The following ADARB1 variants were observed in gnomAD, a reference collection of about 807,000 sequenced individuals.
ADARB1 encodes double-stranded RNA-specific editase 1.
ADARB1 carries 10 observed loss-of-function variants against 52.4 expected under a neutral mutation model. The ratio of observed to expected loss-of-function variants is 0.19; its 90% CI spans 0.12 to 0.32. The LOEUF (loss-of-function observed/expected upper bound fraction) is 0.32. Among genes scored for constraint, ADARB1 ranks in the 10% least tolerant of loss-of-function variants. The probability of loss-of-function intolerance (pLI) is 1.00; values close to 1 mark genes in which losing one functional copy is unlikely to be tolerated. For synonymous variants in ADARB1, 349 were observed against 371.1 expected (o/e 0.94, Z 0.68); for missense variants, 643 against 922.3 (o/e 0.70, Z 3.92).
rs148771997 is a variant in ADARB1, at chr21:45,148,167, C to T, written c.-48+19594C>T. 4.3e-3 allele frequency among the ~76,000 whole-genome samples: 659 copies of T among 152,334 alleles called. 2 individuals carry two copies. The highest frequency in any genetic ancestry group is 6.5e-3 in the Non-Finnish European group (445 of 68,034). Reference sequence around the variant, plus strand: ...GGCAGCCTTTGCAGACAGCTTCTGTCCCACTCACCTCCTCCTTGGTTTTCA... The same window carrying T: ...GGCAGCCTTTGCAGACAGCTTCTGTTCCACTCACCTCCTCCTTGGTTTTCA... On this transcript the variant is annotated intron_variant, in intron 2 of 10. Coordinates refer to ENST00000348831, the MANE Select transcript of ADARB1 (RefSeq NM_001112.4).
chr21:45,223,043 T>C lies in ADARB1; in HGVS notation c.*846T>C. The C allele has an allele frequency of 1.0e-5, 10 of 985,474 alleles. No individual in the cohort carries two copies. Among genetic ancestry groups the C allele is most frequent in the Non-Finnish European group, 1.2e-5 (10 of 829,932 alleles). The allele number at this position is 985,474 out of a possible 1,614,324, so 61.0% of individuals were successfully genotyped here. On this transcript the variant is annotated 3_prime_UTR_variant, in exon 11 of 11. Transcript: ENST00000348831. ...CCAGGCTGGCCATTCATTCAGGTTT[T>C]TTAAAGGATATTTAACTTTTATGGA...
Position 45,182,702 on chromosome 21 carries a change from C to G in ADARB1, c.1196C>G (p.Ser399Cys). The change falls in exon 6 of 11, where the codon TCT becomes TGT. Residue 399 changes from serine to cysteine, a missense_variant. Physicochemically the swap from Ser to Cys is moderately radical, Grantham distance 112 (BLOSUM62 -1). Around this residue, in one of 2 missense-constraint regions of ADARB1, gnomAD observed 263 missense variants for 475.8 expected, o/e 0.55. Coordinates refer to ENST00000348831, the MANE Select transcript of ADARB1 (RefSeq NM_001112.4). ...AATGACTGCCATGCAGAAATAATAT[C>G]TCGGAGATCCTTGCTCAGATTTCTT... ...ALNDCHAEII[S>C]RRSLLRFLYT... 1 of 1,610,864 alleles carries G rather than the reference C, an allele frequency of 6.2e-7. No individual in the cohort carries two copies. The highest frequency in any genetic ancestry group is 8.5e-7 in the Non-Finnish European group (1 of 1,178,936).
intron 1 of ADARB1, among the ~76,000 whole-genome samples, chr21:45,090,406 A>G (rs1226607770): frequency 6.6e-6 from 1 of 152,108 alleles, no homozygotes; most frequent in African/African-American, 2.4e-5. Context: ...TAGTGGTATA[A>G]GTGCTTAACA....
intron 8 of ADARB1, among the ~76,000 whole-genome samples, chr21:45,194,798 T>A (rs1346302689): frequency 6.6e-6 from 1 of 152,242 alleles, no homozygotes; most frequent in African/African-American, 2.4e-5. Flanking sequence ...ATAGTTTGGA[T>A]GTGCCACAGT....
intron 2 of ADARB1, among the ~76,000 whole-genome samples, chr21:45,143,612 G>A (rs2089850254): frequency 6.6e-6 from 1 of 152,216 alleles, no homozygotes; most frequent in South Asian, 2.1e-4. Context: ...TGGCCCAGGA[G>A]GTCCCATGTG....
At chr21:45,088,442 T>A (rs1429704052) in intron 1 of ADARB1, among the ~76,000 whole-genome samples, 1 of 152,160 alleles carries the variant, frequency 6.6e-6, no homozygotes, top group Non-Finnish European at 1.5e-5. Context: ...AGGTGTATAA[T>A]CTATAAAACA....
In ADARB1 at chr21:45,175,203, T is replaced by C. The variant is rs546269394; in HGVS notation, c.29-527T>C. On this transcript the variant is annotated intron_variant, in intron 3 of 10. Transcript: ENST00000348831. The stretch of plus-strand genomic sequence containing the variant: ...TATTTTAAACCTGAAAAACTAATTA[T>C]CTTGTGAATGCATGTTTTTAAATAG... Among the ~76,000 whole-genome samples, 174 of 152,334 alleles carry C rather than the reference T, an allele frequency of 1.1e-3. 1 individual carries two copies. The highest frequency in any genetic ancestry group is 4.1e-3 in the African/African-American group (172 of 41,566).
intron 2 of ADARB1, among the ~76,000 whole-genome samples, chr21:45,166,873 A>G (rs1277668452): frequency 2.1e-3 from 86 of 40,960 alleles, no homozygotes; most frequent in Non-Finnish European, 3.5e-4. Flanking sequence ...TTGCTATCAA[A>G]TAAGTCTTTT....
intron 1 of ADARB1, among the ~76,000 whole-genome samples, chr21:45,090,903 TTGAAAAATTGAGCATC>T (rs138605928): frequency 0.028 from 4,193 of 152,390 alleles, 53 homozygotes; most frequent in South Asian, 0.053. Context: ...ATGATTTTTA[TTGAAAAATTGAGCATC>T]TGATTATTAT....
At position 45,180,383 on chromosome 21, in the gene ADARB1, C is replaced by G; in HGVS notation, c.1017C>G (p.Thr339=). 6.2e-7 allele frequency: 1 copy of G among 1,614,108 alleles called. No individual in the cohort carries two copies. Among genetic ancestry groups the G allele is most frequent in the Non-Finnish European group, 8.5e-7 (1 of 1,180,016 alleles). Reference sequence around the variant, plus strand: ...TCCTGGGTAAGTTTGGTGACCTGACCGACAACTTCTCCTCCCCTCACGCTC... The same window carrying G: ...TCCTGGGTAAGTTTGGTGACCTGACGGACAACTTCTCCTCCCCTCACGCTC... ...RLVLGKFGDL[T]DNFSSPHARR... is the part of the protein sequence containing the mutation. Residue 339 remains threonine, a synonymous_variant, in exon 5 of 11, where the codon ACC becomes ACG. Coordinates refer to ENST00000348831, the MANE Select transcript of ADARB1 (RefSeq NM_001112.4).
intron 9 of ADARB1, among the ~76,000 whole-genome samples, chr21:45,217,982 C>T (rs1027503450): frequency 1.3e-5 from 2 of 152,078 alleles, no homozygotes; most frequent in African/African-American, 2.4e-5. Flanking sequence ...TTAAGATTTT[C>T]TCTTAATACT....
intron 7 of ADARB1, 52 bp downstream of exon 7, chr21:45,183,562 A>T: frequency 6.3e-7 from 1 of 1,589,080 alleles, no homozygotes; most frequent in Non-Finnish European, 8.6e-7. Flanking sequence ...ATGTTAACAG[A>T]TAAAAACTAA....
In ADARB1 at chr21:45,165,549, A is replaced by C. The variant is rs2091218863; in HGVS notation, c.-47-6061A>C. ...TTTCACTGAAAATATTATCAATTGA[A>C]TATTTTGGAACACTTCAGTGATATT... On this transcript the variant is annotated intron_variant, in intron 2 of 10. Coordinates refer to ENST00000348831, the MANE Select transcript of ADARB1 (RefSeq NM_001112.4). Among the ~76,000 whole-genome samples the C allele has an allele frequency of 2.0e-5, 3 of 152,196 alleles. No homozygotes were observed. The South Asian group carries it at 6.2e-4, about 32-fold the overall frequency.
rs1000371933 is a variant in ADARB1 at position 45,128,031 on chromosome 21, A to G, written c.-219-371A>G. ...TCTCTGTATCTGGACTCACATTCAC[A>G]TGTGTGCATGTGTAGGGGTGTGTGC... On this transcript the variant is annotated intron_variant, in intron 1 of 10. Coordinates refer to ENST00000348831, the MANE Select transcript of ADARB1 (RefSeq NM_001112.4). The surrounding 1 kb of genome is among the most constrained non-coding windows in gnomAD (Gnocchi z 4.6). 6.6e-5 allele frequency among the ~76,000 whole-genome samples: 10 copies of G among 152,208 alleles called. No homozygotes were observed. Among genetic ancestry groups the G allele is most frequent in the Non-Finnish European group, 1.3e-4 (9 of 67,996 alleles).
rs182003690 is a variant in ADARB1, at chr21:45,223,929, C to G, written c.*1732C>G. 8 of 985,496 alleles carry G rather than the reference C, an allele frequency of 8.1e-6. No homozygotes were observed. Among genetic ancestry groups the G allele is most frequent in the Non-Finnish European group, 9.6e-6 (8 of 830,150 alleles). 61.0% of individuals were successfully genotyped at this position (985,496 alleles called of 1,614,324 possible). ...ATCTGCCCCACAGCAGCCTCCTCCT[C>G]CACCGAAGAGGGTAGTTGTCTCCCT... On this transcript the variant is annotated 3_prime_UTR_variant, in exon 11 of 11. Transcript: ENST00000348831.
intron 1 of ADARB1, among the ~76,000 whole-genome samples, chr21:45,075,644 A>C (rs955101822): frequency 3.1e-4 from 47 of 152,316 alleles, no homozygotes; most frequent in African/African-American, 1.1e-3. Flanking sequence ...GATGGGTGCG[A>C]GGGAAGGTGT....
intron 9 of ADARB1, among the ~76,000 whole-genome samples, chr21:45,213,605 T>A (rs1356198927): frequency 6.6e-6 from 1 of 152,218 alleles, no homozygotes; most frequent in African/African-American, 2.4e-5. Context: ...TCTATATAGA[T>A]GAGTTTGCAT....
At chr21:45,186,677 A>G (rs2092118093) in intron 8 of ADARB1, among the ~76,000 whole-genome samples, 1 of 152,232 alleles carries the variant, frequency 6.6e-6, no homozygotes, top group African/African-American at 2.4e-5. Flanking sequence ...GTCTGTTAAT[A>G]TCATTTGTTC....
chr21:45,199,516 G>A (rs1417517608), intron 8 of ADARB1, among the ~76,000 whole-genome samples: 2 of 152,176 alleles, frequency 1.3e-5, no homozygotes. Flanking sequence ...AGTAGCCAAC[G>A]ACCAGTCCTG....
Sources: allele counts gnomAD v4.1 joint callset (sites outside exome capture counted in the v4.1 genomes callset), GRCh38; gene constraint gnomAD v4.1.1; regional missense constraint gnomAD v4.1.1; non-coding constraint Gnocchi (gnomAD v3.1); transcripts MANE v1.5; gene names NCBI Gene and HGNC (gene_info 2026-07-23, HGNC 2026-07-21).